The following TRIM49 variants were observed in gnomAD, a reference collection of about 807,000 sequenced individuals.
TRIM49 encodes the protein tripartite motif containing 49.
A neutral mutation model predicts 27.4 loss-of-function variants in TRIM49; 5 were observed. That is an observed-to-expected ratio of 0.18 (90% CI 0.10 to 0.38). The LOEUF is 0.38. TRIM49 is among the 10% of genes least tolerant of loss of function. TRIM49 has a pLI of 1.00. For missense variants in TRIM49, 188 were observed against 487.5 expected (o/e 0.39, Z 5.79); for synonymous variants, 69 against 166.0 (o/e 0.42, Z 4.49).
At chr11:89,785,912 G>C in the TRIM49 span, 2 of 142,686 alleles carry the variant, frequency 1.4e-5, no homozygotes, top group African/African-American at 5.7e-5. Flanking sequence ...GGCTTTCCCG[G>C]ACGGTGCCGC....
intron 3 of TRIM49, 77 bp downstream of exon 3, chr11:89,803,982 T>G: frequency 6.2e-7 from 1 of 1,611,604 alleles, no homozygotes; most frequent in Non-Finnish European, 8.5e-7. Flanking sequence ...GTTGGCTTTA[T>G]CCAATCTCCA....
the TRIM49 span, among the ~76,000 whole-genome samples, chr11:89,791,206 A>T: frequency 1.3e-5 from 2 of 151,762 alleles, no homozygotes; most frequent in Non-Finnish European, 2.9e-5. Context: ...GAAAAGAGTA[A>T]AAAGAAGTGA....
chr11:89,793,688 T>G (rs1011725492), downstream of TRIM49, among the ~76,000 whole-genome samples: 1 of 151,964 alleles, frequency 6.6e-6, no homozygotes, highest in African/African-American at 2.4e-5. Context: ...CAACAGCCCC[T>G]CATGCTAAAA....
the TRIM49 span, among the ~76,000 whole-genome samples, chr11:89,785,143 G>C: frequency 7.0e-6 from 1 of 142,712 alleles, no homozygotes; most frequent in East Asian, 2.0e-4. Context: ...CACTTGAACC[G>C]AGGAGGCAAA....
the TRIM49 span, among the ~76,000 whole-genome samples, chr11:89,774,164 C>T: frequency 4.7e-5 from 7 of 150,352 alleles, no homozygotes; most frequent in South Asian, 4.2e-4. Context: ...CCGAACTCGG[C>T]TAATTTTTTG....
the TRIM49 span, among the ~76,000 whole-genome samples, chr11:89,785,320 G>A: frequency 6.9e-6 from 1 of 144,226 alleles, no homozygotes; most frequent in Non-Finnish European, 1.5e-5. Context: ...GGACTTGGGG[G>A]AAAAATATGC....
chr11:89,798,642 A>G lies in TRIM49; in HGVS notation c.860-13T>C. On this transcript the variant is annotated splice_polypyrimidine_tract_variant and intron_variant, in intron 7 of 7. Coordinates refer to ENST00000329758, the MANE Select transcript of TRIM49 (RefSeq NM_020358.2). Reference sequence around the variant, plus strand: ...AGAGTAATATGCACTGCAAAAAAAAAAAAAAAGAAAACATGCATAGACATG... The same window carrying G: ...AGAGTAATATGCACTGCAAAAAAAAGAAAAAAGAAAACATGCATAGACATG... 2.6e-6 allele frequency: 4 copies of G among 1,520,644 alleles called. 1 individual carries two copies. The highest frequency in any genetic ancestry group is 3.5e-6 in the Non-Finnish European group (4 of 1,152,202). 94.2% of individuals were successfully genotyped at this position (1,520,644 alleles called of 1,614,324 possible).
chr11:89,770,653 A>G, the TRIM49 span, among the ~76,000 whole-genome samples: 1 of 141,142 alleles, frequency 7.1e-6, no homozygotes, highest in Admixed American at 6.8e-5. Flanking sequence ...ACGTCAGGAG[A>G]TTGAGACCAT....
Position 89,798,563 on chromosome 11 carries a change from A to G in TRIM49, c.926T>C (p.Met309Thr). 6.4e-6 allele frequency: 10 copies of G among 1,558,336 alleles called. 2 individuals are homozygous for G. The highest frequency in any genetic ancestry group is 5.0e-5 in the East Asian group (2 of 39,744). The change falls in exon 8 of 8, where the codon ATG becomes ACG. Residue 309 changes from methionine (M) to threonine (T), a missense_variant. Transcript: ENST00000329758. The part of the protein sequence containing the change: ...DIFLYEILRS[M>T]CIGCDHQDVP... ...ATCTTGATGGTCACATCCAATACAC[A>G]TGCTTCTCAAAATTTCATACAGAAA...
At chr11:89,796,087 AC>A (rs1433748835), downstream of TRIM49, among the ~76,000 whole-genome samples, 95 of 151,808 alleles carry the variant, frequency 6.3e-4, 2 homozygotes, top group African/African-American at 2.1e-3. Flanking sequence ...TAATAAAAAT[AC>A]TTTAAACTTA....
the TRIM49 span, chr11:89,777,076 A>G: frequency 6.5e-7 from 1 of 1,550,250 alleles, no homozygotes; most frequent in Non-Finnish European, 8.7e-7. Flanking sequence ...CTGTGGGCAC[A>G]GCTTTTGCAG....
chr11:89,806,064 C>G (rs1225162328), intron 2 of TRIM49, among the ~76,000 whole-genome samples: 1 of 150,070 alleles, frequency 6.7e-6, no homozygotes, highest in Non-Finnish European at 1.5e-5. Flanking sequence ...CCACACAAAT[C>G]TAGATGGTAT....
chr11:89,807,359 A>T (rs10909598), intron 1 of TRIM49, 75 bp from the exon 2 acceptor site: 1 of 151,064 alleles, frequency 6.6e-6, no homozygotes, highest in African/African-American at 2.5e-5. Context: ...GATTAGGTTT[A>T]TGCAGTATTT....
the TRIM49 span, among the ~76,000 whole-genome samples, chr11:89,783,411 CA>C: frequency 1.0e-5 from 1 of 99,536 alleles, no homozygotes; most frequent in Non-Finnish European, 2.0e-5. Context: ...GAATATCTAT[CA>C]AAAGATAAGA....
At chr11:89,780,056 T>TAA in the TRIM49 span, among the ~76,000 whole-genome samples, 13 of 82,930 alleles carry the variant, frequency 1.6e-4, 6 homozygotes, top group Admixed American at 5.4e-4. Flanking sequence ...GGTGGGAGGT[T>TAA]AAAAAAAAAA....
At chr11:89,768,725 T>A in the TRIM49 span, 1 of 475,156 alleles carries the variant, frequency 2.1e-6, no homozygotes, top group Admixed American at 2.1e-5. Context: ...ATGGTGTTAG[T>A]AAATTATGTT....
chr11:89,792,975 C>T (rs1949665184), downstream of TRIM49, among the ~76,000 whole-genome samples: 1 of 152,008 alleles, frequency 6.6e-6, no homozygotes, highest in Admixed American at 6.6e-5. Flanking sequence ...TTGAAAAGAT[C>T]AACAAAATTG....
chr11:89,793,758 C>T (rs1374285393), downstream of TRIM49, among the ~76,000 whole-genome samples: 1 of 151,936 alleles, frequency 6.6e-6, no homozygotes, highest in East Asian at 2.0e-4. Flanking sequence ...CTATTTATGA[C>T]AATCCCACAG....
chr11:89,780,279 C>T, the TRIM49 span, among the ~76,000 whole-genome samples: 1 of 37,866 alleles, frequency 2.6e-5, no homozygotes, highest in South Asian at 1.1e-3. Flanking sequence ...AAGACTTTTG[C>T]CTCAGTGAAC....
Sources: gnomAD v4.1 joint callset for allele counts (sites outside exome capture counted in the v4.1 genomes callset) on GRCh38, gnomAD v4.1.1 for gene constraint, MANE v1.5 for transcripts, NCBI Gene and HGNC (gene_info 2026-07-23, HGNC 2026-07-21) for gene names.